BICRA: variants seen among roughly 807,000 people sequenced by gnomAD.
BICRA encodes BRD4-interacting chromatin-remodeling complex-associated protein.
Under a neutral mutation model 96.9 loss-of-function variants are expected in BICRA, and 31 were observed. The observed-to-expected ratio is 0.32, with a 90% CI of 0.24 to 0.43. The LOEUF (loss-of-function observed/expected upper bound fraction) is 0.43. BICRA is among the 20% of genes least tolerant of loss of function. The pLI is 1.00. For missense variants in BICRA, 2,283 were observed against 2,190.3 expected (o/e 1.04, Z -0.84); for synonymous variants, 1,350 against 1,071.8 (o/e 1.26, Z -5.07).
chr19:47,694,001 G>C, intron 7 of BICRA, 114 bp from the exon 8 acceptor site: 1 of 1,282,674 alleles, frequency 7.8e-7, no homozygotes, highest in Admixed American at 2.9e-5. Context: ...ATGGGTGTGG[G>C]CTAGGAAGGG....
intron 7 of BICRA, among the ~76,000 whole-genome samples, chr19:47,682,683 T>TG (rs1973084816): frequency 6.6e-6 from 1 of 151,834 alleles, no homozygotes; most frequent in South Asian, 2.1e-4. Flanking sequence ...TCTCTTTTTT[T>TG]TTTTTTGAAA....
chr19:47,645,132 T>A (rs1333992319), intron 1 of BICRA, among the ~76,000 whole-genome samples: 2 of 152,138 alleles, frequency 1.3e-5, no homozygotes, highest in African/African-American at 4.8e-5. Flanking sequence ...AGCCGTATCC[T>A]CCCCACCCCG....
At chr19:47,660,931 C>T (rs1416593002) in intron 1 of BICRA, among the ~76,000 whole-genome samples, 6 of 152,148 alleles carry the variant, frequency 3.9e-5, no homozygotes, top group Admixed American at 1.3e-4. Flanking sequence ...AGCACTTTGC[C>T]GGGCGTGGTG....
intron 6 of BICRA, 129 bp downstream of exon 6, chr19:47,681,405 C>A: frequency 1.2e-6 from 1 of 842,962 alleles, no homozygotes; most frequent in Non-Finnish European, 1.9e-6. Flanking sequence ...AGGTCTCAGT[C>A]ATGGCACAGG....
chr19:47,645,959 G>A (rs1972452849), intron 1 of BICRA, among the ~76,000 whole-genome samples: 1 of 152,246 alleles, frequency 6.6e-6, no homozygotes, highest in South Asian at 2.1e-4. Flanking sequence ...TTAGCCAGGC[G>A]TGGTGGCATG....
intron 1 of BICRA, among the ~76,000 whole-genome samples, chr19:47,649,117 CT>C (rs749095846): frequency 4.6e-5 from 7 of 152,072 alleles, no homozygotes; most frequent in Non-Finnish European, 1.0e-4. Flanking sequence ...TCCCAAAGTG[CT>C]GGGATTACAG....
intron 1 of BICRA, among the ~76,000 whole-genome samples, chr19:47,611,195 C>T (rs1309821502): frequency 2.0e-5 from 3 of 152,166 alleles, no homozygotes; most frequent in African/African-American, 7.2e-5. Flanking sequence ...TCTGTCCCAC[C>T]CTTTGGCATT....
intron 1 of BICRA, among the ~76,000 whole-genome samples, chr19:47,621,670 C>T (rs1257628197): frequency 6.6e-6 from 1 of 151,850 alleles, no homozygotes; most frequent in African/African-American, 2.4e-5. Flanking sequence ...GAGGGGGTTT[C>T]ACCATGTCAG....
chr19:47,656,457 G>A (rs2910998), intron 1 of BICRA, among the ~76,000 whole-genome samples: 30,601 of 152,158 alleles, frequency 0.2, 3,445 homozygotes, highest in Middle Eastern at 0.28. Flanking sequence ...ATTGTGGCCA[G>A]AGGCTTTCAG....
chr19:47,682,676 CT>C (rs61431925), intron 7 of BICRA, among the ~76,000 whole-genome samples: 161 of 144,546 alleles, frequency 1.1e-3, no homozygotes, highest in Non-Finnish European at 8.9e-4. Flanking sequence ...TTCTCTCTCT[CT>C]TTTTTTTTTT....
chr19:47,680,764 C>G lies in BICRA; in HGVS notation c.1594C>G (p.Pro532Ala). ...GPLSLGPVLAPHSGAHSAHIL... is the reference protein window; with the variant it reads ...GPLSLGPVLAAHSGAHSAHIL... ...ACTGAGCCTGGGCCCCGTGTTGGCCCCCCACTCCGGGGCCCACAGCGCGCA... is the reference window on the plus strand; with the variant it reads ...ACTGAGCCTGGGCCCCGTGTTGGCCGCCCACTCCGGGGCCCACAGCGCGCA... Residue 532 changes from proline to alanine, a missense_variant, in exon 6 of 15, where the codon CCC becomes GCC. Physicochemically the swap from Pro to Ala is conservative, Grantham distance 27. Transcript: ENST00000594866. 6.2e-7 allele frequency: 1 copy of G among 1,610,026 alleles called. No individual in the cohort carries two copies. The highest frequency in any genetic ancestry group is 1.1e-5 in the South Asian group (1 of 90,816).
At chr19:47,657,676 A>G (rs1288290306) in intron 1 of BICRA, among the ~76,000 whole-genome samples, 3 of 152,112 alleles carry the variant, frequency 2.0e-5, no homozygotes, top group South Asian at 4.1e-4. Flanking sequence ...GATTACAGGC[A>G]TGAGCCACCA....
rs1429746112 is a variant in BICRA at position 47,698,836 on chromosome 19, GGGCGGGGCGTCGCCAGTGT to G, written c.3397+57_3397+75del. ...ATGTCCCAGGGGACCCCAGCCCGTG[GGGCGGGGCGTCGCCAGTGT>G]GGAGCCGCAGGTCCACGGTGCGCTA... On this transcript the variant is annotated intron_variant, in intron 12 of 14. Transcript: ENST00000594866. This position sits in a 1 kb window ranked among gnomAD's most constrained non-coding sequence, Gnocchi z 4.8. 9.5e-6 allele frequency: 14 copies of G among 1,479,306 alleles called. No homozygotes were observed. In the East Asian group the frequency reaches 1.5e-4, roughly 15 times the overall value. The allele number at this position is 1,479,306 out of a possible 1,614,324, so 91.6% of individuals were successfully genotyped here. A position where few individuals can be genotyped will look rare whatever the true frequency, so the allele number is the denominator to read the frequency against.
intron 1 of BICRA, among the ~76,000 whole-genome samples, chr19:47,649,897 G>A (rs1013666483): frequency 3.9e-5 from 6 of 152,046 alleles, no homozygotes; most frequent in South Asian, 2.1e-4. Context: ...TGAGATTTAG[G>A]TTAGTGTAAA....
At chr19:47,696,324 G>A in intron 10 of BICRA, 127 bp from the exon 11 acceptor site, 1 of 803,668 alleles carries the variant, frequency 1.2e-6, no homozygotes, top group South Asian at 1.7e-5. Flanking sequence ...TGTAGCTGGG[G>A]CCAGGCCCCC....
intron 1 of BICRA, among the ~76,000 whole-genome samples, chr19:47,620,667 C>CAAAAAAAAAAAAAAAA (rs10675281): frequency 7.4e-5 from 5 of 67,718 alleles, no homozygotes; most frequent in South Asian, 6.8e-4. Context: ...GAGACTGTCT[C>CAAAAAAAAAAAAAAAA]AAAAAAAAAA....
At chr19:47,682,915 G>A (rs1019630964) in intron 7 of BICRA, among the ~76,000 whole-genome samples, 3 of 151,948 alleles carry the variant, frequency 2.0e-5, no homozygotes, top group Non-Finnish European at 2.9e-5. Context: ...CAAGTGATCC[G>A]CCCGCCTCAG....
chr19:47,692,780 C>G (rs1349974593), intron 7 of BICRA, among the ~76,000 whole-genome samples: 2 of 152,186 alleles, frequency 1.3e-5, no homozygotes, highest in Non-Finnish European at 2.9e-5. Flanking sequence ...TGGAAGGGCC[C>G]TGGGACTTAG....
chr19:47,620,154 C>T (rs562441644), intron 1 of BICRA, among the ~76,000 whole-genome samples: 2 of 152,040 alleles, frequency 1.3e-5, no homozygotes, highest in Non-Finnish European at 2.9e-5. Context: ...GAAATTCTTT[C>T]CCGTGAGTAT....
Sources: gnomAD v4.1 joint callset for allele counts (sites outside exome capture counted in the v4.1 genomes callset) on GRCh38, gnomAD v4.1.1 for gene constraint, Gnocchi (gnomAD v3.1) non-coding constraint, MANE v1.5 for transcripts, NCBI Gene and HGNC (gene_info 2026-07-23, HGNC 2026-07-21) for gene names.